ANGPTL5: variants seen among roughly 807,000 people sequenced by gnomAD.
ANGPTL5 encodes the protein angiopoietin-related protein 5.
ANGPTL5 carries 34 observed loss-of-function variants against 39.4 expected under a neutral mutation model. That is an observed-to-expected ratio of 0.86 (90% CI 0.66 to 1.15). The LOEUF is 1.15. ANGPTL5 is among the 50% of genes most tolerant of loss of function. ANGPTL5 has a pLI of 0.00. For missense variants in ANGPTL5, 467 were observed against 457.5 expected (o/e 1.02, Z -0.19); for synonymous variants, 146 against 152.1 (o/e 0.96, Z 0.29).
intron 6 of ANGPTL5, 76 bp from the exon 7 acceptor site, chr11:101,900,626 T>G: frequency 2.0e-6 from 3 of 1,502,500 alleles, no homozygotes; most frequent in Non-Finnish European, 2.8e-6. Flanking sequence ...TCATGCTTCA[T>G]CCTTAGGCTT....
At position 101,916,331 on chromosome 11, in the gene ANGPTL5, T is replaced by C. The variant is rs1940211963; in HGVS notation, c.-405A>G. On this transcript the variant is annotated 5_prime_UTR_variant, in exon 1 of 9. Coordinates refer to ENST00000334289, the MANE Select transcript of ANGPTL5 (RefSeq NM_178127.5). ...CAATTTGTATTGAGTGCCTGCTCTT[T>C]GGCTGACTCTGTTCTAGGTTCTAGG... 6.6e-6 allele frequency: 1 copy of C among 152,280 alleles called. No homozygotes were observed. The highest frequency in any genetic ancestry group is 2.4e-5 in the African/African-American group (1 of 41,484). The allele number at this position is 152,280 out of a possible 1,614,324, so 9.4% of individuals were successfully genotyped here.
chr11:101,911,050 C>T (rs1337700092), intron 1 of ANGPTL5, among the ~76,000 whole-genome samples: 1 of 139,224 alleles, frequency 7.2e-6, no homozygotes, highest in Non-Finnish European at 1.5e-5. Context: ...TATGTTAGCA[C>T]ACTTCCCTTA....
intron 6 of ANGPTL5, among the ~76,000 whole-genome samples, chr11:101,901,491 C>T (rs956028727): frequency 2.6e-5 from 4 of 151,990 alleles, no homozygotes; most frequent in Admixed American, 6.5e-5. Context: ...CCTAAAAGGA[C>T]CTCTGTAGGG....
intron 1 of ANGPTL5, chr11:101,915,435 G>C (rs761139539): frequency 6.3e-7 from 1 of 1,594,322 alleles, no homozygotes; most frequent in Non-Finnish European, 8.6e-7. Flanking sequence ...GCCTGTGGCT[G>C]CCAGGGTAGC....
chr11:101,899,978 T>A (rs1168434555), intron 7 of ANGPTL5, among the ~76,000 whole-genome samples: 1 of 152,226 alleles, frequency 6.6e-6, no homozygotes, highest in Non-Finnish European at 1.5e-5. Flanking sequence ...TGATGTTTAC[T>A]GACATTTTAA....
At chr11:101,903,442 C>A (rs1591256462) in intron 5 of ANGPTL5, among the ~76,000 whole-genome samples, 1 of 152,136 alleles carries the variant, frequency 6.6e-6, no homozygotes, top group East Asian at 1.9e-4. Flanking sequence ...CTTAGAGCGT[C>A]CATTATCCAA....
At chr11:101,891,803 A>T (rs1375278494) in intron 8 of ANGPTL5, among the ~76,000 whole-genome samples, 1 of 152,214 alleles carries the variant, frequency 6.6e-6, no homozygotes, top group Non-Finnish European at 1.5e-5. Context: ...AGACATCTTT[A>T]AATAAATATT....
intron 7 of ANGPTL5, among the ~76,000 whole-genome samples, chr11:101,896,298 C>T (rs1358464263): frequency 1.3e-5 from 2 of 151,516 alleles, no homozygotes; most frequent in African/African-American, 4.9e-5. Flanking sequence ...GATTCTCATG[C>T]CTCAGCCTCC....
chr11:101,911,836 T>C (rs1940096724), intron 1 of ANGPTL5, among the ~76,000 whole-genome samples: 1 of 152,242 alleles, frequency 6.6e-6, no homozygotes, highest in Admixed American at 6.5e-5. Flanking sequence ...AGTGGTCTTG[T>C]GCTGTTCTTT....
intron 7 of ANGPTL5, among the ~76,000 whole-genome samples, chr11:101,897,882 T>C (rs1939827551): frequency 1.3e-5 from 2 of 152,168 alleles, no homozygotes; most frequent in Non-Finnish European, 1.5e-5. Flanking sequence ...TTTTTTCTAA[T>C]TATGTGAAGA....
chr11:101,896,601 G>T (rs1234010412), intron 7 of ANGPTL5, among the ~76,000 whole-genome samples: 1 of 152,094 alleles, frequency 6.6e-6, no homozygotes, highest in Non-Finnish European at 1.5e-5. Context: ...GTGAGAATAT[G>T]CAGTGTTTGG....
intron 1 of ANGPTL5, among the ~76,000 whole-genome samples, chr11:101,914,671 G>C (rs1235436586): frequency 6.6e-6 from 1 of 152,114 alleles, no homozygotes; most frequent in Non-Finnish European, 1.5e-5. Context: ...CTCACAACAG[G>C]ATTCAGTAGT....
Position 101,891,361 on chromosome 11 carries a change from G to C in ANGPTL5, c.1085C>G (p.Thr362Arg), listed in dbSNP as rs140148922. Residue 362 changes from threonine (T) to arginine (R), a missense_variant, in exon 9 of 9, where the codon ACG becomes AGG. By Grantham distance (71) the Thr-to-Arg change is moderately conservative. Transcript: ENST00000334289. ...GACAGGTGAGTTGTTTTTGGTCCAC[G>C]TGCCCCATTGAATTCCAGTTGCAAG... ...KLLATGIQWG[T>R]WTKNNSPVKI... 6.2e-7 allele frequency: 1 copy of C among 1,613,788 alleles called. No homozygotes were observed.
rs1191073153 is a variant in ANGPTL5 at position 101,891,173 on chromosome 11, A to G, written c.*106T>C. ...CTCATAACATCTAAATGCCATCTAC[A>G]GTTAAATTTTGCCTAATATGTTTGA... On this transcript the variant is annotated 3_prime_UTR_variant, in exon 9 of 9. Coordinates refer to ENST00000334289, the MANE Select transcript of ANGPTL5 (RefSeq NM_178127.5). The G allele has an allele frequency of 1.1e-5, 11 of 1,015,338 alleles. No individual in the cohort carries two copies. Among genetic ancestry groups the G allele is most frequent in the Non-Finnish European group, 1.6e-5 (11 of 708,374 alleles). The allele number at this position is 1,015,338 out of a possible 1,614,324, so 62.9% of individuals were successfully genotyped here. A position where few individuals can be genotyped will look rare whatever the true frequency, so the allele number is the denominator to read the frequency against.
intron 3 of ANGPTL5, among the ~76,000 whole-genome samples, chr11:101,906,497 T>G (rs928736013): frequency 1.3e-5 from 2 of 152,158 alleles, no homozygotes; most frequent in Admixed American, 1.3e-4. Flanking sequence ...GTTGCCATGA[T>G]GTACCGTCAT....
intron 7 of ANGPTL5, among the ~76,000 whole-genome samples, chr11:101,896,723 T>A (rs1939803947): frequency 6.6e-6 from 1 of 152,238 alleles, no homozygotes; most frequent in Non-Finnish European, 1.5e-5. Context: ...CCATGGTGTA[T>A]ATGTGCCACA....
intron 8 of ANGPTL5, among the ~76,000 whole-genome samples, chr11:101,893,886 C>T (rs1939746885): frequency 6.6e-6 from 1 of 152,140 alleles, no homozygotes; most frequent in Admixed American, 6.6e-5. Context: ...CTCTGTTTGT[C>T]AGCCTTCATT....
At chr11:101,903,679 A>T (rs1405181538) in intron 5 of ANGPTL5, among the ~76,000 whole-genome samples, 2 of 152,064 alleles carry the variant, frequency 1.3e-5, no homozygotes, top group East Asian at 3.8e-4. Context: ...AATTGTTAAG[A>T]GATATTCTTA....
intron 2 of ANGPTL5, 97 bp downstream of exon 2, chr11:101,907,717 T>C (rs745346414): frequency 1.0e-5 from 8 of 797,346 alleles, no homozygotes; most frequent in Non-Finnish European, 1.4e-5. Context: ...CCATAAATTA[T>C]ATTTGGTAGT....
Sources: allele counts gnomAD v4.1 joint callset (sites outside exome capture counted in the v4.1 genomes callset), GRCh38; gene constraint gnomAD v4.1.1; transcripts MANE v1.5; gene names NCBI Gene and HGNC (gene_info 2026-07-23, HGNC 2026-07-21).